Variants in TTC39B observed in about 807,000 individuals in gnomAD.
TTC39B encodes the protein tetratricopeptide repeat protein 39B.
In TTC39B, 92 loss-of-function variants were observed where a neutral mutation model predicts 96.6. The ratio of observed to expected loss-of-function variants is 0.95; its 90% CI spans 0.80 to 1.13. The LOEUF (loss-of-function observed/expected upper bound fraction) is 1.13, where lower values mean the gene tolerates loss of function less well. TTC39B is among the 50% of genes most tolerant of loss of function. The pLI, the probability that TTC39B is intolerant of heterozygous loss-of-function variation, is 0.00. For missense variants in TTC39B, 955 were observed against 809.3 expected, an observed-to-expected ratio of 1.18 and a Z score of -2.18; for synonymous variants, 367 against 299.4, an observed-to-expected ratio of 1.23 and a Z score of -2.33.
At chr9:15,226,059 T>G (rs751232556) in intron 2 of TTC39B, 47 bp from the exon 3 acceptor site, 53 of 1,573,154 alleles carry the variant, frequency 3.4e-5, no homozygotes, top group Non-Finnish European at 4.4e-5. Context: ...CTTTGTCCTG[T>G]GAGAAAAGTC....
At chr9:15,212,314 G>A (rs1008825834) in intron 4 of TTC39B, among the ~76,000 whole-genome samples, 1 of 148,020 alleles carries the variant, frequency 6.8e-6, no homozygotes, top group Non-Finnish European at 1.5e-5. Context: ...AATCAGAGCA[G>A]CCCAAAGTTA....
intron 16 of TTC39B, chr9:15,183,381 T>C (rs1374074272): frequency 9.2e-6 from 4 of 433,372 alleles, no homozygotes; most frequent in African/African-American, 2.1e-5. Context: ...ATTCCTTTTA[T>C]TGATAAAATC....
chr9:15,287,895 G>A lies in TTC39B; in HGVS notation c.240+19189C>T, dbSNP rs866982625. Among the ~76,000 whole-genome samples the A allele has an allele frequency of 3.3e-4, 44 of 131,840 alleles. No individual in the cohort carries two copies. In the South Asian group the frequency reaches 5.3e-3, roughly 16 times the overall value. The allele number at this position is 131,840 out of a possible 152,430, so 86.5% of individuals were successfully genotyped here. On this transcript the variant is annotated intron_variant, in intron 1 of 19. Coordinates refer to ENST00000512701, the Ensembl canonical transcript of TTC39B. The stretch of plus-strand genomic sequence containing the variant: ...CAGGAGGCGGAGCTTGCAGTGAGCC[G>A]ATATGGCGCCACTGCACTCCAGCCT...
intron 1 of TTC39B, among the ~76,000 whole-genome samples, chr9:15,303,000 T>A (rs1029850446): frequency 6.6e-6 from 1 of 152,040 alleles, no homozygotes; most frequent in African/African-American, 2.4e-5. Flanking sequence ...AAACCCCGTC[T>A]CTACTAAAAA....
At chr9:15,257,974 C>T (rs1202895260) in intron 2 of TTC39B, among the ~76,000 whole-genome samples, 1 of 151,982 alleles carries the variant, frequency 6.6e-6, no homozygotes, top group Non-Finnish European at 1.5e-5. Context: ...GCAGGAGAAT[C>T]GCTTGAACCC....
intron 3 of TTC39B, among the ~76,000 whole-genome samples, chr9:15,215,371 A>G (rs957044557): frequency 6.6e-6 from 1 of 152,088 alleles, no homozygotes; most frequent in African/African-American, 2.4e-5. Context: ...CACCCTGACC[A>G]ACATGGTGAA....
At chr9:15,226,745 C>G (rs1041417786) in intron 2 of TTC39B, among the ~76,000 whole-genome samples, 3 of 152,092 alleles carry the variant, frequency 2.0e-5, no homozygotes, top group African/African-American at 7.2e-5. Flanking sequence ...AATCTTCGGC[C>G]AGTTTGTTGA....
intron 1 of TTC39B, among the ~76,000 whole-genome samples, chr9:15,290,795 C>T (rs1824158601): frequency 6.6e-6 from 1 of 152,178 alleles, no homozygotes; most frequent in Non-Finnish European, 1.5e-5. Flanking sequence ...CCTTCTGCCA[C>T]TCTCCCCTTT....
At chr9:15,255,273 G>A (rs1057341378) in intron 2 of TTC39B, among the ~76,000 whole-genome samples, 4 of 152,032 alleles carry the variant, frequency 2.6e-5, no homozygotes, top group African/African-American at 9.7e-5. Context: ...TTTATTAGAT[G>A]TGCATCATGC....
chr9:15,222,043 G>C (rs925827763), intron 3 of TTC39B, among the ~76,000 whole-genome samples: 2 of 152,202 alleles, frequency 1.3e-5, no homozygotes, highest in Admixed American at 1.3e-4. Flanking sequence ...AAAGAGTAAC[G>C]TAAGTACAGT....
chr9:15,208,733 C>T (rs192286642), intron 6 of TTC39B, among the ~76,000 whole-genome samples: 1 of 152,230 alleles, frequency 6.6e-6, no homozygotes, highest in Admixed American at 6.5e-5. Context: ...TCTGTTTGAC[C>T]ATGGTTTTGG....
At chr9:15,199,349 T>C (rs1819371366) in intron 8 of TTC39B, among the ~76,000 whole-genome samples, 1 of 152,186 alleles carries the variant, frequency 6.6e-6, no homozygotes, top group Non-Finnish European at 1.5e-5. Flanking sequence ...AGCTAGCTCT[T>C]AAAATTGTAT....
exon 20 of TTC39B, chr9:15,168,413 T>C (rs1374451277): frequency 4.4e-5 from 1 of 22,482 alleles, no homozygotes; most frequent in African/African-American, 2.6e-4. Context: ...ATGCAGAGTA[T>C]AAATACAAAA....
chr9:15,196,987 T>A (rs1225452079), intron 8 of TTC39B, among the ~76,000 whole-genome samples: 2 of 152,306 alleles, frequency 1.3e-5, no homozygotes, highest in African/African-American at 2.4e-5. Context: ...ACAAAAAGAT[T>A]ATGACTTGCT....
chr9:15,293,843 T>C (rs765357123), intron 1 of TTC39B, among the ~76,000 whole-genome samples: 35 of 152,220 alleles, frequency 2.3e-4, no homozygotes, highest in Admixed American at 7.2e-4. Context: ...CCATCAAATG[T>C]AGCCAACGGT....
At chr9:15,285,137 C>T (rs1191561525) in intron 1 of TTC39B, among the ~76,000 whole-genome samples, 2 of 151,916 alleles carry the variant, frequency 1.3e-5, no homozygotes, top group Non-Finnish European at 2.9e-5. Context: ...TGGTGGCGGG[C>T]GCCTGTAGTC....
At position 15,163,808 on chromosome 9, in the gene TTC39B, T is replaced by G. The variant is rs115082395; in HGVS notation, c.*8211A>C. The G allele has an allele frequency of 5.1e-3, 784 of 152,320 alleles. 11 individuals carry two copies. The highest frequency in any genetic ancestry group is 0.018 in the African/African-American group (743 of 41,582). The allele number at this position is 152,320 out of a possible 1,614,324, so 9.4% of individuals were successfully genotyped here. ...TGACTTTCAAGTCAGGATGATTTATTTGCACTTAAAAATATAATTTCTAAG... is the reference window on the plus strand; with the variant it reads ...TGACTTTCAAGTCAGGATGATTTATGTGCACTTAAAAATATAATTTCTAAG... On this transcript the variant is annotated 3_prime_UTR_variant, in exon 20 of 20. Coordinates refer to ENST00000512701, the Ensembl canonical transcript of TTC39B.
At chr9:15,269,127 G>C (rs1365366551) in intron 1 of TTC39B, among the ~76,000 whole-genome samples, 1 of 152,152 alleles carries the variant, frequency 6.6e-6, no homozygotes, top group African/African-American at 2.4e-5. Context: ...TTTCAGCTTA[G>C]AAAGCCACCT....
rs748708981 is a variant in TTC39B at position 15,214,779 on chromosome 9, G to A, written c.372-530C>T. Among the ~76,000 whole-genome samples, 4 of 151,964 alleles carry A rather than the reference G, an allele frequency of 2.6e-5. No homozygotes were observed. In the South Asian group the frequency reaches 8.3e-4, roughly 32 times the overall value. On this transcript the variant is annotated intron_variant, in intron 3 of 19. Coordinates refer to ENST00000512701, the Ensembl canonical transcript of TTC39B. ...AGTGATTAAATAAAATCCTTAACAT[G>A]TTCATTTTTGTATCTATATGAGTCA...
Sources: allele counts gnomAD v4.1 joint callset (sites outside exome capture counted in the v4.1 genomes callset), GRCh38; gene constraint gnomAD v4.1.1; transcripts MANE v1.5; gene names NCBI Gene and HGNC (gene_info 2026-07-23, HGNC 2026-07-21).